PGCKA1: variants seen among roughly 807,000 people sequenced by gnomAD.
PGCKA1 encodes the protein PDCD10 and GCKIII kinases-associated protein 1.
the PGCKA1 span, among the ~76,000 whole-genome samples, chr4:37,581,924 G>A: frequency 3.3e-5 from 5 of 152,172 alleles, no homozygotes; most frequent in Admixed American, 6.5e-5. This position sits in a 1 kb window ranked among gnomAD's most constrained non-coding sequence, Gnocchi z 4.4. Flanking sequence ...TCCAACAACT[G>A]GAATATATAA....
the PGCKA1 span, among the ~76,000 whole-genome samples, chr4:37,463,452 T>C: frequency 6.6e-6 from 1 of 152,196 alleles, no homozygotes; most frequent in Non-Finnish European, 1.5e-5. Context: ...CACCAGGATT[T>C]GGTTTTGGCA....
the PGCKA1 span, among the ~76,000 whole-genome samples, chr4:37,474,042 G>A: frequency 1.3e-5 from 2 of 152,074 alleles, no homozygotes; most frequent in African/African-American, 4.8e-5. Context: ...GCAAAGACTG[G>A]CTTGGACATT....
the PGCKA1 span, among the ~76,000 whole-genome samples, chr4:37,536,785 A>G: frequency 6.6e-6 from 1 of 152,232 alleles, no homozygotes; most frequent in South Asian, 2.1e-4. Flanking sequence ...TTGTGTTCCA[A>G]TAGACATGTA....
the PGCKA1 span, among the ~76,000 whole-genome samples, chr4:37,481,157 T>A: frequency 0.37 from 55,989 of 152,058 alleles, 10,841 homozygotes; most frequent in East Asian, 0.49. Context: ...TAGCCTAAGA[T>A]GGGCTTTTTT....
the PGCKA1 span, among the ~76,000 whole-genome samples, chr4:37,558,522 A>G: frequency 6.6e-6 from 1 of 152,076 alleles, no homozygotes; most frequent in East Asian, 1.9e-4. Flanking sequence ...ACCATTCAGG[A>G]CATAGGTATG....
the PGCKA1 span, among the ~76,000 whole-genome samples, chr4:37,504,450 T>C: frequency 7.3e-5 from 11 of 151,204 alleles, no homozygotes; most frequent in Non-Finnish European, 1.5e-4. Context: ...TTTTTTTTTT[T>C]CCATTTCTGT....
the PGCKA1 span, among the ~76,000 whole-genome samples, chr4:37,453,737 G>T: frequency 6.6e-6 from 1 of 152,134 alleles, no homozygotes; most frequent in African/African-American, 2.4e-5. Context: ...TTCTGCTTCA[G>T]TGCGCCCGGG....
At chr4:37,474,290 G>A in the PGCKA1 span, among the ~76,000 whole-genome samples, 1 of 152,088 alleles carries the variant, frequency 6.6e-6, no homozygotes, top group Non-Finnish European at 1.5e-5. Context: ...GCCATGGGAT[G>A]TTGCAGCAGG....
At chr4:37,593,242 T>C in the PGCKA1 span, among the ~76,000 whole-genome samples, 1 of 152,228 alleles carries the variant, frequency 6.6e-6, no homozygotes, top group Admixed American at 6.5e-5. Flanking sequence ...GACGAGTGTT[T>C]TATACAAATA....
the PGCKA1 span, among the ~76,000 whole-genome samples, chr4:37,576,702 ACTAG>A: frequency 1.2e-4 from 18 of 152,164 alleles, no homozygotes; most frequent in African/African-American, 4.3e-4. Context: ...TCAGTATGAT[ACTAG>A]CTATGGATCT....
the PGCKA1 span, among the ~76,000 whole-genome samples, chr4:37,567,513 C>G: frequency 2.0e-5 from 3 of 152,328 alleles, no homozygotes; most frequent in East Asian, 5.8e-4. Context: ...AGTCACAAAG[C>G]TAGTAAGCAG....
At chr4:37,490,477 G>A in the PGCKA1 span, among the ~76,000 whole-genome samples, 128 of 152,214 alleles carry the variant, frequency 8.4e-4, no homozygotes, top group African/African-American at 2.8e-3. Flanking sequence ...TAATGCAAAC[G>A]TCTACCCGCG....
chr4:37,554,860 T>C, the PGCKA1 span, among the ~76,000 whole-genome samples: 70,422 of 151,846 alleles, frequency 0.46, 16,453 homozygotes, highest in Middle Eastern at 0.49. Flanking sequence ...TGGCTGGAAA[T>C]AGAAAGTAGC....
chr4:37,536,932 A>G, the PGCKA1 span, among the ~76,000 whole-genome samples: 3 of 152,348 alleles, frequency 2.0e-5, no homozygotes, highest in African/African-American at 7.2e-5. Context: ...TTGGTAATAC[A>G]TGTAGTCTTA....
the PGCKA1 span, among the ~76,000 whole-genome samples, chr4:37,484,132 A>G: frequency 6.6e-6 from 1 of 152,182 alleles, no homozygotes; most frequent in African/African-American, 2.4e-5. Context: ...CCTAACCCAC[A>G]AGATGATGGT....
At chr4:37,465,625 A>C in the PGCKA1 span, among the ~76,000 whole-genome samples, 1 of 152,172 alleles carries the variant, frequency 6.6e-6, no homozygotes, top group South Asian at 2.1e-4. Flanking sequence ...AACCAACCTC[A>C]GCTAACCTGG....
chr4:37,456,499 A>G, the PGCKA1 span, among the ~76,000 whole-genome samples: 1 of 152,238 alleles, frequency 6.6e-6, no homozygotes, highest in South Asian at 2.1e-4. Flanking sequence ...GCATTGTAGA[A>G]AAGATGTTCC....
At chr4:37,590,304 G>C in the PGCKA1 span, 1 of 1,613,782 alleles carries the variant, frequency 6.2e-7, no homozygotes, top group South Asian at 1.1e-5. Flanking sequence ...ACCAAGGGCC[G>C]CTCCCACAGG....
At chr4:37,579,578 G>A in the PGCKA1 span, among the ~76,000 whole-genome samples, 1 of 152,172 alleles carries the variant, frequency 6.6e-6, no homozygotes, top group African/African-American at 2.4e-5. Flanking sequence ...CTTTAAATAT[G>A]TTATGCCACT....
Sources: allele counts gnomAD v4.1 joint callset (sites outside exome capture counted in the v4.1 genomes callset), GRCh38; gene constraint gnomAD v4.1.1; non-coding constraint Gnocchi (gnomAD v3.1); transcripts MANE v1.5; gene names NCBI Gene and HGNC (gene_info 2026-07-23, HGNC 2026-07-21).